NFASC: variants seen among roughly 807,000 people sequenced by gnomAD.
NFASC encodes neurofascin.
A neutral mutation model predicts 147.5 loss-of-function variants in NFASC; 43 were observed. The ratio of observed to expected loss-of-function variants is 0.29; its 90% confidence interval spans 0.23 to 0.38. The LOEUF (loss-of-function observed/expected upper bound fraction) is 0.38. NFASC is among the 10% of genes least tolerant of loss of function. NFASC has a pLI of 1.00. For synonymous variants in NFASC, 622 were observed against 665.5 expected, an observed-to-expected ratio of 0.93 and a Z score of 1.01; for missense variants, 1,320 against 1,689.0, an observed-to-expected ratio of 0.78 and a Z score of 3.83.
chr1:204,925,227 G>A lies in NFASC; in HGVS notation c.-91+4487G>A, dbSNP rs1459757405. The stretch of plus-strand genomic sequence containing the variant: ...GATTAGGTGCTATACATGTACATTA[G>A]CTCATTAATTCATTTAGGAATTGTC... On this transcript the variant is annotated intron_variant, in intron 2 of 29. Coordinates refer to ENST00000339876, the MANE Select transcript of NFASC (RefSeq NM_001005388.3). Among the ~76,000 whole-genome samples the A allele has an allele frequency of 2.6e-5, 4 of 152,182 alleles. No homozygotes were observed. The South Asian group carries it at 8.3e-4, about 32-fold the overall frequency.
At chr1:204,905,805 G>C (rs2085725876) in intron 1 of NFASC, among the ~76,000 whole-genome samples, 1 of 152,138 alleles carries the variant, frequency 6.6e-6, no homozygotes, top group African/African-American at 2.4e-5. Flanking sequence ...TAAATTTGCT[G>C]AATCAGTTTG....
intron 1 of NFASC, among the ~76,000 whole-genome samples, chr1:204,889,766 A>G (rs1051731819): frequency 1.3e-5 from 2 of 152,198 alleles, no homozygotes; most frequent in African/African-American, 2.4e-5. Flanking sequence ...GGGAAGGCCA[A>G]TGTACTGGGT....
chr1:204,977,998 G>A (rs2095440977), intron 17 of NFASC, among the ~76,000 whole-genome samples: 1 of 152,188 alleles, frequency 6.6e-6, no homozygotes, highest in Non-Finnish European at 1.5e-5. Context: ...CTCCCTCAGG[G>A]TGGCCTGTCC....
rs374212129 is a variant in NFASC at position 204,979,502 on chromosome 1, G to A, written c.2119G>A (p.Glu707Lys). 9 of 1,613,650 alleles carry A rather than the reference G, an allele frequency of 5.6e-6. No individual in the cohort carries two copies. Among genetic ancestry groups the A allele is most frequent in the South Asian group, 2.2e-5 (2 of 91,082 alleles). The part of the protein sequence containing the change: ...NYQFRVIAIN[E>K]VGSSHPSLPS... ...CCAGTTCCGTGTCATTGCCATCAAC[G>A]AGGTTGGGAGCAGCCACCCCAGCCT... Residue 707 changes from glutamate to lysine, a missense_variant, in exon 19 of 30, where the codon GAG becomes AAG. This residue lies in a region of NFASC where 981 missense variants were observed against 1,289.5 expected (regional missense o/e 0.76). Transcript: ENST00000339876. The surrounding 1 kb of genome is among the most constrained non-coding windows in gnomAD (Gnocchi z 6.0).
intron 2 of NFASC, among the ~76,000 whole-genome samples, chr1:204,938,502 C>T (rs1209448568): frequency 6.6e-6 from 1 of 152,190 alleles, no homozygotes; most frequent in African/African-American, 2.4e-5. Flanking sequence ...AAATACAAAG[C>T]TTCCAAGCTT....
chr1:204,960,255 C>G (rs1295200407), intron 8 of NFASC, among the ~76,000 whole-genome samples: 2 of 152,356 alleles, frequency 1.3e-5, no homozygotes, highest in East Asian at 3.9e-4. Flanking sequence ...TTTTTATTAC[C>G]TGCATTGAAG....
chr1:204,914,089 T>C (rs1368952637), intron 1 of NFASC, among the ~76,000 whole-genome samples: 1 of 152,038 alleles, frequency 6.6e-6, no homozygotes, highest in Non-Finnish European at 1.5e-5. Context: ...AAAAAAATAA[T>C]GATGTGGTCG....
At position 204,975,346 on chromosome 1, in the gene NFASC, T is replaced by C; in HGVS notation, c.1634T>C (p.Val545Ala). The part of the protein sequence containing the change: ...RGTTVQLECR[V>A]KHDPSLKLTV... ...ACCACGGTGCAGCTGGAGTGTCGGG[T>C]GAAGCACGACCCCTCCCTGAAACTC... The change falls in exon 15 of 30, where the codon GTG (valine) becomes GCG (alanine). Residue 545 changes from valine to alanine, a missense_variant. Val to Ala is a moderately conservative substitution (Grantham distance 64). This residue lies in a region of NFASC where 981 missense variants were observed against 1,289.5 expected (regional missense o/e 0.76). Transcript: ENST00000339876. The surrounding 1 kb of genome is among the most constrained non-coding windows in gnomAD (Gnocchi z 4.0). 1.2e-6 allele frequency: 2 copies of C among 1,601,650 alleles called. No individual in the cohort carries two copies. The highest frequency in any genetic ancestry group is 1.7e-6 in the Non-Finnish European group (2 of 1,175,062).
In NFASC at chr1:204,871,589, T is replaced by C. The variant is rs1037506481; in HGVS notation, c.-200+42807T>C. ...CTGGGCTCCACCATCTCAAACCAGCTGTCTCCCTCCTGAGTCTTGGCATTT... is the reference window on the plus strand; with the variant it reads ...CTGGGCTCCACCATCTCAAACCAGCCGTCTCCCTCCTGAGTCTTGGCATTT... On this transcript the variant is annotated intron_variant, in intron 1 of 29. Coordinates refer to ENST00000339876, the MANE Select transcript of NFASC (RefSeq NM_001005388.3). Among the ~76,000 whole-genome samples the C allele has an allele frequency of 3.9e-5, 6 of 152,348 alleles. No homozygotes were observed. The East Asian group carries it at 9.6e-4, about 24-fold the overall frequency.
chr1:204,981,933 G>A lies in NFASC; in HGVS notation c.2383G>A (p.Val795Met), dbSNP rs149978916. The change falls in exon 21 of 30, where the codon GTG becomes ATG. Residue 795 changes from valine (V) to methionine (M), a missense_variant. Physicochemically the swap from Val to Met is conservative, Grantham distance 21. This residue lies in a region of NFASC where 981 missense variants were observed against 1,289.5 expected (regional missense o/e 0.76). Coordinates refer to ENST00000339876, the MANE Select transcript of NFASC (RefSeq NM_001005388.3). ...RYVVGQTPVY[V>M]PYEIRVQAEN... ...CGTGGTGGGGCAGACCCCAGTCTAC[G>A]TGCCCTATGAGATCCGAGTCCAGGC... The A allele has an allele frequency of 4.4e-4, 712 of 1,608,738 alleles. No individual in the cohort carries two copies. The highest frequency in any genetic ancestry group is 5.8e-4 in the Non-Finnish European group (683 of 1,177,794).
chr1:204,926,616 G>C lies in NFASC; in HGVS notation c.-91+5876G>C, dbSNP rs113306753. ...TTTTATAGAGATGAAGTTTTGCCAT[G>C]TTGCCCAGGCTGGTCTTGAACTCCT... On this transcript the variant is annotated intron_variant, in intron 2 of 29. Transcript: ENST00000339876. 2.2e-3 allele frequency among the ~76,000 whole-genome samples: 338 copies of C among 150,314 alleles called. 1 individual carries two copies. Among genetic ancestry groups the C allele is most frequent in the African/African-American group, 8.0e-3 (329 of 41,002 alleles).
chr1:204,898,060 G>A (rs2083745484), intron 1 of NFASC, among the ~76,000 whole-genome samples: 1 of 152,158 alleles, frequency 6.6e-6, no homozygotes, highest in African/African-American at 2.4e-5. Flanking sequence ...TTTAAAAATT[G>A]TTTGTAGAGA....
chr1:204,879,829 A>G lies in NFASC; in HGVS notation c.-199-40803A>G, dbSNP rs571957651. Among the ~76,000 whole-genome samples the G allele has an allele frequency of 2.4e-3, 359 of 152,288 alleles. 2 individuals are homozygous for G. The highest frequency in any genetic ancestry group is 3.8e-3 in the Non-Finnish European group (260 of 68,022). On this transcript the variant is annotated intron_variant, in intron 1 of 29. Coordinates refer to ENST00000339876, the MANE Select transcript of NFASC (RefSeq NM_001005388.3). The stretch of plus-strand genomic sequence containing the variant: ...AAGAAGATTTAGCATCTTTCAAGGG[A>G]GAAGAGCTGTGGGAATAGAAGGGAT...
intron 3 of NFASC, chr1:204,944,867 A>G (rs11585062): frequency 0.015 from 2,410 of 156,980 alleles, 21 homozygotes; most frequent in Admixed American, 0.021. Flanking sequence ...TGGAGTAATC[A>G]GGAGGACACA....
chr1:204,974,390 C>G, intron 13 of NFASC, 100 bp downstream of exon 13: 1 of 937,532 alleles, frequency 1.1e-6, no homozygotes, highest in Non-Finnish European at 1.7e-6. Context: ...ACCTGGGAAT[C>G]TTAAAGGGTC....
chr1:204,970,489 G>C (rs1426015971), intron 10 of NFASC, 127 bp from the exon 11 acceptor site: 18 of 1,058,788 alleles, frequency 1.7e-5, no homozygotes, highest in Non-Finnish European at 1.4e-6. Context: ...GATGAGCCCT[G>C]GGGCAGGTGG....
chr1:204,859,132 C>A (rs2076444145), intron 1 of NFASC, among the ~76,000 whole-genome samples: 1 of 152,176 alleles, frequency 6.6e-6, no homozygotes, highest in Non-Finnish European at 1.5e-5. Context: ...CGCATGCCAA[C>A]ACGCCTGGCT....
intron 1 of NFASC, among the ~76,000 whole-genome samples, chr1:204,862,503 G>A (rs2076762204): frequency 6.6e-6 from 1 of 152,194 alleles, no homozygotes; most frequent in Admixed American, 6.5e-5. Flanking sequence ...CGATGTGAAT[G>A]GTTATTGAAT....
intron 24 of NFASC, among the ~76,000 whole-genome samples, chr1:204,996,190 A>G (rs1216985387): frequency 3.3e-5 from 5 of 152,144 alleles, no homozygotes; most frequent in African/African-American, 1.2e-4. Flanking sequence ...CCAACATCCA[A>G]GGATAGCTTT....
Sources: gnomAD v4.1 joint callset for allele counts (sites outside exome capture counted in the v4.1 genomes callset) on GRCh38, gnomAD v4.1.1 for gene constraint, gnomAD v4.1.1 regional missense constraint, Gnocchi (gnomAD v3.1) non-coding constraint, MANE v1.5 for transcripts, NCBI Gene and HGNC (gene_info 2026-07-23, HGNC 2026-07-21) for gene names.